Variants in RBM3 observed in about 807,000 individuals in gnomAD.
The protein encoded by RBM3 is RNA-binding protein 3.
Under a neutral mutation model 12.0 loss-of-function variants are expected in RBM3, and 3 were observed. The ratio of observed to expected loss-of-function variants is 0.25; its 90% CI spans 0.11 to 0.65. RBM3 has a LOEUF of 0.65. Among genes scored for constraint, RBM3 ranks in the 30% least tolerant of loss-of-function variants. The pLI, the probability that RBM3 is intolerant of heterozygous loss-of-function variation, is 0.84. For synonymous variants in RBM3, 58 were observed against 45.7 expected, an observed-to-expected ratio of 1.27 and a Z score of -1.08; for missense variants, 108 against 134.5, an observed-to-expected ratio of 0.80 and a Z score of 0.97.
intron 1 of RBM3, chrX:48,574,775 A>C: frequency 3.0e-6 from 1 of 334,277 alleles, no homozygotes; most frequent in Non-Finnish European, 5.8e-6. Context: ...TGTGAGGCCT[A>C]CCGGGAGGGA....
Position 48,580,312 on chromosome X carries a change from C to G in RBM3, c.*2871C>G, listed in dbSNP as rs1306164129. On this transcript the variant is annotated 3_prime_UTR_variant, in exon 7 of 7. Transcript: ENST00000376759. Reference sequence around the variant, plus strand: ...AGAAATCACTTCAGATCCTTGCTTCCTAGTTTAATTTCTTCTCTGCCTCAG... The same window carrying G: ...AGAAATCACTTCAGATCCTTGCTTCGTAGTTTAATTTCTTCTCTGCCTCAG... Among the ~76,000 whole-genome samples the G allele has an allele frequency of 8.9e-6, 1 of 111,879 alleles. No individual in the cohort carries two copies. The highest frequency in any genetic ancestry group is 1.9e-5 in the Non-Finnish European group (1 of 53,187).
At chrX:48,575,075 T>G in intron 1 of RBM3, 93 bp from the exon 2 acceptor site, 1 of 640,983 alleles carries the variant, frequency 1.6e-6, no homozygotes, top group South Asian at 2.5e-5. Context: ...TTGTCTATTT[T>G]CTGTGCTTTT....
At chrX:48,574,631 C>T in intron 1 of RBM3, 58 bp downstream of exon 1, 1 of 331,958 alleles carries the variant, frequency 3.0e-6, no homozygotes. Context: ...GCCGCGCCGG[C>T]CGTGACCGGG....
Position 48,575,271 on chromosome X carries a change from C to A in RBM3, c.91C>A (p.Pro31Thr), listed in dbSNP as rs2062075162. 2.5e-6 allele frequency: 3 copies of A among 1,205,683 alleles called. No individual in the cohort carries two copies. In the South Asian group the frequency reaches 5.3e-5, roughly 21 times the overall value. The change falls in exon 2 of 7, where the codon CCT becomes ACT. Residue 31 changes from proline (P) to threonine (T), a missense_variant. This residue lies in a region of RBM3 where 43 missense variants were observed against 79.6 expected (regional missense o/e 0.54). Coordinates refer to ENST00000376759, the MANE Select transcript of RBM3 (RefSeq NM_006743.5). ...GGAAGACCACTTCAGCAGTTTCGGACCTATCTCTGAGGGTGAGACGGGCCA... is the reference window on the plus strand; with the variant it reads ...GGAAGACCACTTCAGCAGTTTCGGAACTATCTCTGAGGGTGAGACGGGCCA... ...ALEDHFSSFG[P>T]ISEVVVVKDR... is the part of the protein sequence containing the mutation.
At chrX:48,575,921 G>A in intron 3 of RBM3, 1 of 536,972 alleles carries the variant, frequency 1.9e-6, no homozygotes, top group African/African-American at 2.3e-5. Flanking sequence ...CTTGGGCTTA[G>A]GTAGTAGAGT....
At chrX:48,575,017 C>T (rs1019626567) in intron 1 of RBM3, 151 bp from the exon 2 acceptor site, 1 of 474,332 alleles carries the variant, frequency 2.1e-6, no homozygotes, top group Non-Finnish European at 3.7e-6. Flanking sequence ...ACCTTATTGG[C>T]CGCCTTTCTC....
In RBM3 at chrX:48,577,514, A is replaced by G. The variant is rs1316855205; in HGVS notation, c.*73A>G. 3 of 1,027,028 alleles carry G rather than the reference A, an allele frequency of 2.9e-6. No homozygotes were observed. Among genetic ancestry groups the G allele is most frequent in the African/African-American group, 1.9e-5 (1 of 53,346 alleles). 84.6% of individuals were successfully genotyped at this position (1,027,028 alleles called of 1,213,427 possible). On this transcript the variant is annotated 3_prime_UTR_variant, in exon 7 of 7. Coordinates refer to ENST00000376759, the MANE Select transcript of RBM3 (RefSeq NM_006743.5). ...CAGGATCGTCCTTCCAAATGGCTGT[A>G]TTTATAAAGGTTTTTGGAGCTGCAC...
At position 48,575,648 on chromosome X, in the gene RBM3, T is replaced by A; in HGVS notation, c.191T>A (p.Met64Lys). ...FTNPEHASVA[M>K]RAMNGESLDG... ...AACCCAGAGCATGCTTCAGTTGCCA[T>A]GAGAGCCATGAACGGAGAGGTGGGG... The change falls in exon 3 of 7, where the codon ATG (methionine) becomes AAG (lysine). Residue 64 changes from methionine (M) to lysine (K), a missense_variant. This residue lies in a region of RBM3 where 43 missense variants were observed against 79.6 expected (regional missense o/e 0.54). Transcript: ENST00000376759. 1 of 1,210,762 alleles carries A rather than the reference T, an allele frequency of 8.3e-7. No homozygotes were observed. Among genetic ancestry groups the A allele is most frequent in the Non-Finnish European group, 1.1e-6 (1 of 894,567 alleles).
chrX:48,578,711 C>G lies in RBM3; in HGVS notation c.*1270C>G, dbSNP rs2062091602. ...TGGGTTTCCTTAACTGGTCTCTTAT[C>G]TTAGTCCCATTGTTCTGAGAACATA... is the stretch of plus-strand genomic sequence containing the variant. On this transcript the variant is annotated 3_prime_UTR_variant, in exon 7 of 7. Transcript: ENST00000376759. The G allele has an allele frequency of 8.9e-6, 1 of 112,029 alleles. No homozygotes were observed. Among genetic ancestry groups the G allele is most frequent in the African/African-American group, 3.2e-5 (1 of 30,842 alleles). 9.2% of individuals were successfully genotyped at this position (112,029 alleles called of 1,213,427 possible). A position where few individuals can be genotyped will look rare whatever the true frequency, so the allele number is the denominator to read the frequency against.
In RBM3 at chrX:48,579,349, G is replaced by A. The variant is rs1556990059; in HGVS notation, c.*1908G>A. 1.8e-5 allele frequency among the ~76,000 whole-genome samples: 2 copies of A among 112,104 alleles called. No individual in the cohort carries two copies. Among genetic ancestry groups the A allele is most frequent in the African/African-American group, 6.5e-5 (2 of 30,872 alleles). ...CCTTGCTGGTGCGTTGTGGAACCCT[G>A]TATTATTAGTTCCAGTCCTGGAGGC... is the stretch of plus-strand genomic sequence containing the variant. On this transcript the variant is annotated 3_prime_UTR_variant, in exon 7 of 7. Transcript: ENST00000376759.
Position 48,575,578 on chromosome X carries a change from C to A in RBM3, c.121C>A (p.Arg41=). The change falls in exon 3 of 7, where the codon CGG becomes AGG. Residue 41 remains arginine, a synonymous_variant. Transcript: ENST00000376759. Reference sequence around the variant, plus strand: ...TCTCACAGTGGTCGTTGTCAAGGACCGGGAGACTCAGCGGTCCAGGGGTTT... The same window carrying A: ...TCTCACAGTGGTCGTTGTCAAGGACAGGGAGACTCAGCGGTCCAGGGGTTT... ...PISEVVVVKD[R]ETQRSRGFGF... is the part of the protein sequence containing the mutation. 8.3e-7 allele frequency: 1 copy of A among 1,210,268 alleles called. No homozygotes were observed. The highest frequency in any genetic ancestry group is 1.1e-6 in the Non-Finnish European group (1 of 894,614).
At position 48,580,811 on chromosome X, in the gene RBM3, G is replaced by C. The variant is rs1556990284; in HGVS notation, c.*3370G>C. 9.0e-6 allele frequency: 1 copy of C among 111,645 alleles called. No individual in the cohort carries two copies. The highest frequency in any genetic ancestry group is 1.9e-5 in the Non-Finnish European group (1 of 53,154). 9.2% of individuals were successfully genotyped at this position (111,645 alleles called of 1,213,427 possible). A position where few individuals can be genotyped will look rare whatever the true frequency, so the allele number is the denominator to read the frequency against. Reference sequence around the variant, plus strand: ...GGTGGAGGTGTAGAACTTTTAAAAAGCTTCTTAAAATAAGTTGCTGTGAAT... The same window carrying C: ...GGTGGAGGTGTAGAACTTTTAAAAACCTTCTTAAAATAAGTTGCTGTGAAT... On this transcript the variant is annotated 3_prime_UTR_variant, in exon 7 of 7. Transcript: ENST00000376759.
intron 1 of RBM3, chrX:48,574,852 C>T (rs782628737): frequency 5.4e-6 from 2 of 368,558 alleles, no homozygotes; most frequent in East Asian, 7.5e-5. Flanking sequence ...CCCACGTGGC[C>T]GCCGCCATCT....
In RBM3 at chrX:48,579,771, A is replaced by G. The variant is rs190338206; in HGVS notation, c.*2330A>G. 3.6e-5 allele frequency: 4 copies of G among 111,781 alleles called. No homozygotes were observed. The East Asian group carries it at 8.4e-4, about 23-fold the overall frequency. The allele number at this position is 111,781 out of a possible 1,213,427, so 9.2% of individuals were successfully genotyped here. ...AAATGTTCCTAAGTGGAATCAATGA[A>G]GACCAAAATTTATTTGTATAACAAC... On this transcript the variant is annotated 3_prime_UTR_variant, in exon 7 of 7. Transcript: ENST00000376759.
chrX:48,576,101 G>A, intron 3 of RBM3: 1 of 1,147,213 alleles, frequency 8.7e-7, no homozygotes, highest in Non-Finnish European at 1.2e-6. Context: ...GTAGCAAGGG[G>A]AACATGGTGC....
Position 48,575,673 on chromosome X carries a change from G to A in RBM3, c.210+6G>A, listed in dbSNP as rs782090347. The A allele has an allele frequency of 8.4e-7, 1 of 1,195,347 alleles. No homozygotes were observed. Among genetic ancestry groups the A allele is most frequent in the Non-Finnish European group, 1.1e-6 (1 of 882,239 alleles). ...TGAGAGCCATGAACGGAGAGGTGGG[G>A]CCTCCTATCTGCAGAGGGACCTTGT... is the stretch of plus-strand genomic sequence containing the variant. On this transcript the variant is annotated splice_donor_region_variant and intron_variant, in intron 3 of 6. Coordinates refer to ENST00000376759, the MANE Select transcript of RBM3 (RefSeq NM_006743.5).
chrX:48,580,346 T>C lies in RBM3; in HGVS notation c.*2905T>C, dbSNP rs2062097030. On this transcript the variant is annotated 3_prime_UTR_variant, in exon 7 of 7. Transcript: ENST00000376759. ...TTTCTTCTCTGCCTCAGTTATAACA[T>C]CCATAAAATGGAAATAATAATACCC... Among the ~76,000 whole-genome samples the C allele has an allele frequency of 8.9e-6, 1 of 111,789 alleles. No individual in the cohort carries two copies. The highest frequency in any genetic ancestry group is 3.2e-5 in the African/African-American group (1 of 30,812).
intron 6 of RBM3, 113 bp downstream of exon 6, chrX:48,577,222 G>C (rs1198859775): frequency 1.2e-5 from 14 of 1,153,194 alleles, no homozygotes; most frequent in Middle Eastern, 4.8e-4. Context: ...ACCTCACCCA[G>C]CCAACCTACC....
chrX:48,577,266 G>A, intron 6 of RBM3, 157 bp downstream of exon 6: 2 of 1,098,646 alleles, frequency 1.8e-6, no homozygotes, highest in South Asian at 4.5e-5. Context: ...TTGCTCTCAG[G>A]TGCATATCAG....
Sources: allele counts gnomAD v4.1 joint callset (sites outside exome capture counted in the v4.1 genomes callset), GRCh38; gene constraint gnomAD v4.1.1; regional missense constraint gnomAD v4.1.1; transcripts MANE v1.5; gene names NCBI Gene and HGNC (gene_info 2026-07-23, HGNC 2026-07-21).